The following AGGF1 variants were observed in gnomAD, a reference collection of about 807,000 sequenced individuals.
AGGF1 encodes angiogenic factor with G-patch and FHA domains 1, also known as angiogenic factor with G patch and FHA domains 1.
In AGGF1, 56 loss-of-function variants were observed where a neutral mutation model predicts 86.5. That is an observed-to-expected ratio of 0.65 (90% CI 0.52 to 0.81). AGGF1 has a LOEUF of 0.81. Among genes scored for constraint, AGGF1 ranks in the 30% least tolerant of loss-of-function variants. AGGF1 has a pLI of 0.00. For synonymous variants in AGGF1, 313 were observed against 297.1 expected (o/e 1.05, Z -0.55); for missense variants, 816 against 850.9 (o/e 0.96, Z 0.51).
chr5:77,034,195 G>T (rs1233039786), intron 1 of AGGF1, among the ~76,000 whole-genome samples: 1 of 152,168 alleles, frequency 6.6e-6, no homozygotes, highest in Non-Finnish European at 1.5e-5. Flanking sequence ...TCATTATTTA[G>T]TTCGATTTTT....
chr5:77,034,271 T>C, intron 1 of AGGF1, 147 bp from the exon 2 acceptor site: 2 of 642,764 alleles, frequency 3.1e-6, no homozygotes, highest in South Asian at 1.9e-5. Flanking sequence ...ATGTATAAAG[T>C]AAAATAATAA....
intron 10 of AGGF1, among the ~76,000 whole-genome samples, chr5:77,054,718 A>G (rs922692549): frequency 6.6e-6 from 1 of 152,194 alleles, no homozygotes; most frequent in Non-Finnish European, 1.5e-5. Context: ...ATCAATTAAA[A>G]TAATTTAAAA....
At chr5:77,055,328 GT>G (rs766487341) in intron 10 of AGGF1, among the ~76,000 whole-genome samples, 185 bp from the exon 11 acceptor site, 1 of 152,170 alleles carries the variant, frequency 6.6e-6, no homozygotes, top group Non-Finnish European at 1.5e-5. Context: ...TCTCAATTAG[GT>G]TTAGTTACCA....
In AGGF1 at chr5:77,052,162, G is replaced by C. The variant is rs141452997; in HGVS notation, c.1366-544G>C. Among the ~76,000 whole-genome samples the C allele has an allele frequency of 5.6e-3, 848 of 152,162 alleles. 9 individuals are homozygous for C. The highest frequency in any genetic ancestry group is 0.019 in the African/African-American group (791 of 41,502). On this transcript the variant is annotated intron_variant, in intron 8 of 13. Coordinates refer to ENST00000312916, the MANE Select transcript of AGGF1 (RefSeq NM_018046.5). ...GAGCTCAGGAGTTTGAGACCAGCCT[G>C]GGCAACATGGTGAAACCCTGTCTCT...
At chr5:77,040,913 A>G (rs1208716947) in intron 5 of AGGF1, among the ~76,000 whole-genome samples, 1 of 151,998 alleles carries the variant, frequency 6.6e-6, no homozygotes, top group East Asian at 1.9e-4. Flanking sequence ...ACCCAGGTTG[A>G]GTGCAGTGGT....
At chr5:77,040,950 C>T (rs905995757) in intron 5 of AGGF1, among the ~76,000 whole-genome samples, 1 of 152,094 alleles carries the variant, frequency 6.6e-6, no homozygotes, top group Non-Finnish European at 1.5e-5. Flanking sequence ...GCATCCTCGA[C>T]CTCCTGAGCT....
At chr5:77,039,399 T>C (rs1747023373) in intron 4 of AGGF1, 132 bp from the exon 5 acceptor site, 1 of 701,432 alleles carries the variant, frequency 1.4e-6, no homozygotes, top group Admixed American at 3.2e-5. Context: ...ATTGTTATCT[T>C]TAATTCATTG....
chr5:77,032,271 A>AAC (rs1400927882), intron 1 of AGGF1, among the ~76,000 whole-genome samples: 15 of 143,702 alleles, frequency 1.0e-4, no homozygotes, highest in East Asian at 2.0e-4. Context: ...AAAAAAAAAA[A>AAC]AAACAGGGAG....
At chr5:77,047,108 T>TA (rs1367721072) in intron 6 of AGGF1, among the ~76,000 whole-genome samples, 3 of 152,210 alleles carry the variant, frequency 2.0e-5, no homozygotes, top group African/African-American at 7.2e-5. Context: ...TATAAAGACA[T>TA]ACTTTTAAAA....
At position 77,063,076 on chromosome 5, in the gene AGGF1, C is replaced by T; in HGVS notation, c.1969C>T (p.His657Tyr). Residue 657 changes from histidine to tyrosine, a missense_variant, in exon 14 of 14, where the codon CAT becomes TAT. Around this residue, in one of 3 missense-constraint regions of AGGF1, gnomAD observed 565 missense variants for 585.8 expected, o/e 0.96. Coordinates refer to ENST00000312916, the MANE Select transcript of AGGF1 (RefSeq NM_018046.5). ...TPIQLQLRRTHAGLGTGKPSS... is the reference protein window; with the variant it reads ...TPIQLQLRRTYAGLGTGKPSS... ...GATCCAGCTTCAGCTTCGGCGAACA[C>T]ATGCAGGCTTGGGGACAGGCAAACC... 1 of 1,614,076 alleles carries T rather than the reference C, an allele frequency of 6.2e-7. No homozygotes were observed. Among genetic ancestry groups the T allele is most frequent in the South Asian group, 1.1e-5 (1 of 91,086 alleles).
intron 8 of AGGF1, among the ~76,000 whole-genome samples, chr5:77,052,305 A>T (rs985445911): frequency 6.6e-6 from 1 of 152,098 alleles, no homozygotes; most frequent in Non-Finnish European, 1.5e-5. Context: ...GGAAGCGGTG[A>T]TCACACCACT....
In AGGF1 at chr5:77,055,505, T is replaced by G. The variant is rs1747442506; in HGVS notation, c.1634-9T>G. On this transcript the variant is annotated splice_polypyrimidine_tract_variant and intron_variant, in intron 10 of 13. Transcript: ENST00000312916. ...TGGCTTTTTTTTAACCAAACTTTTTTTCTTTCAGTTGGTCCAACACTAAGT... is the reference window on the plus strand; with the variant it reads ...TGGCTTTTTTTTAACCAAACTTTTTGTCTTTCAGTTGGTCCAACACTAAGT... 6.3e-7 allele frequency: 1 copy of G among 1,581,562 alleles called. No individual in the cohort carries two copies. The highest frequency in any genetic ancestry group is 8.7e-7 in the Non-Finnish European group (1 of 1,152,698).
intron 8 of AGGF1, 21 bp downstream of exon 8, chr5:77,049,008 A>G (rs766546038): frequency 2.5e-6 from 4 of 1,609,416 alleles, no homozygotes; most frequent in East Asian, 2.2e-5. Flanking sequence ...TGATTTATCA[A>G]ATATAGTCCC....
intron 7 of AGGF1, among the ~76,000 whole-genome samples, 165 bp downstream of exon 7, chr5:77,048,437 C>T (rs559680670): frequency 2.6e-5 from 4 of 152,178 alleles, no homozygotes; most frequent in East Asian, 1.9e-4. Flanking sequence ...TTGCAACCTC[C>T]GCCTCCTGGG....
chr5:77,058,067 T>C (rs915867772), intron 11 of AGGF1, among the ~76,000 whole-genome samples: 1 of 152,210 alleles, frequency 6.6e-6, no homozygotes, highest in Admixed American at 6.5e-5. Flanking sequence ...AGAGTTGGAT[T>C]ACAAAGAGAG....
At position 77,064,500 on chromosome 5, in the gene AGGF1, A is replaced by T. The variant is rs1742753010; in HGVS notation, c.*1248A>T. On this transcript the variant is annotated 3_prime_UTR_variant, in exon 14 of 14. Coordinates refer to ENST00000312916, the MANE Select transcript of AGGF1 (RefSeq NM_018046.5). ...CCAGTCTAAATGGCACAGGGTAGTTACGGAGAAAAGGGGATGGAGAAGGAG... is the reference window on the plus strand; with the variant it reads ...CCAGTCTAAATGGCACAGGGTAGTTTCGGAGAAAAGGGGATGGAGAAGGAG... 1 of 152,252 alleles carries T rather than the reference A, an allele frequency of 6.6e-6. No homozygotes were observed. Among genetic ancestry groups the T allele is most frequent in the Admixed American group, 6.5e-5 (1 of 15,284 alleles). 9.4% of individuals were successfully genotyped at this position (152,252 alleles called of 1,614,324 possible). A position where few individuals can be genotyped will look rare whatever the true frequency, so the allele number is the denominator to read the frequency against.
chr5:77,062,201 T>C (rs538227858), intron 13 of AGGF1, among the ~76,000 whole-genome samples: 1 of 152,240 alleles, frequency 6.6e-6, no homozygotes, highest in African/African-American at 2.4e-5. Context: ...ACATGAAATA[T>C]AGAGAATAAT....
chr5:77,061,640 TTATTA>T, intron 12 of AGGF1, 58 bp from the exon 13 acceptor site: 2 of 1,483,800 alleles, frequency 1.3e-6, no homozygotes, highest in Non-Finnish European at 1.9e-6. Flanking sequence ...ATTCATGAAT[TTATTA>T]TAAATGTGAC....
At chr5:77,054,794 TA>T (rs1157030518) in intron 10 of AGGF1, among the ~76,000 whole-genome samples, 1 of 152,124 alleles carries the variant, frequency 6.6e-6, no homozygotes, top group Non-Finnish European at 1.5e-5. Context: ...TGTATTGATG[TA>T]AAAAAAGTCA....
Sources: allele counts gnomAD v4.1 joint callset (sites outside exome capture counted in the v4.1 genomes callset), GRCh38; gene constraint gnomAD v4.1.1; regional missense constraint gnomAD v4.1.1; transcripts MANE v1.5; gene names NCBI Gene and HGNC (gene_info 2026-07-23, HGNC 2026-07-21).